CMTR1: variants seen among roughly 807,000 people sequenced by gnomAD.
CMTR1 encodes cap methyltransferase 1.
A neutral mutation model predicts 107.0 loss-of-function variants in CMTR1; 39 were observed. The observed-to-expected ratio is 0.36, with a 90% CI of 0.28 to 0.48. The LOEUF (loss-of-function observed/expected upper bound fraction) is 0.48, where lower values mean the gene tolerates loss of function less well. Ranked by LOEUF, CMTR1 falls within the 20% of genes least tolerant of loss-of-function variation. CMTR1 has a pLI of 0.99. For missense variants in CMTR1, 672 were observed against 1,064.9 expected (o/e 0.63, Z 5.14); for synonymous variants, 366 against 379.5 (o/e 0.96, Z 0.41).
intron 8 of CMTR1, among the ~76,000 whole-genome samples, chr6:37,455,255 G>A (rs1217203822): frequency 6.6e-6 from 1 of 152,250 alleles, no homozygotes; most frequent in Non-Finnish European, 1.5e-5. Context: ...GGCTAATTTT[G>A]TATTTTTAGT....
At chr6:37,430,771 T>C (rs189732822), upstream of CMTR1, among the ~76,000 whole-genome samples, 104 of 152,160 alleles carry the variant, frequency 6.8e-4, 3 homozygotes, top group African/African-American at 2.4e-3. Context: ...TCCCAGTCCT[T>C]TGGGAGGCTG....
chr6:37,476,623 A>C (rs77513786), intron 20 of CMTR1, among the ~76,000 whole-genome samples: 17,704 of 84,742 alleles, frequency 0.21, 1,081 homozygotes, highest in African/African-American at 0.32. Context: ...AGGGAGAAGG[A>C]GGCCAGGGTT....
intron 2 of CMTR1, among the ~76,000 whole-genome samples, chr6:37,442,243 A>G (rs1771691470): frequency 6.6e-6 from 1 of 152,202 alleles, no homozygotes; most frequent in Non-Finnish European, 1.5e-5. Context: ...CTGAACTATG[A>G]CAGATGTCCT....
At chr6:37,431,058 A>G (rs907678285), upstream of CMTR1, among the ~76,000 whole-genome samples, 2 of 150,724 alleles carry the variant, frequency 1.3e-5, no homozygotes, top group Non-Finnish European at 3.0e-5. Context: ...GTGTTTCCCT[A>G]TATATTTATC....
intron 3 of CMTR1, 98 bp downstream of exon 3, chr6:37,444,248 G>GT (rs1771736351): frequency 6.9e-7 from 1 of 1,455,482 alleles, no homozygotes; most frequent in East Asian, 2.3e-5. Context: ...TTGGCCATAG[G>GT]TTTTTCCTTT....
At chr6:37,474,782 A>G in intron 18 of CMTR1, 136 bp downstream of exon 18, 1 of 1,325,186 alleles carries the variant, frequency 7.5e-7, no homozygotes, top group Non-Finnish European at 1.0e-6. Flanking sequence ...GTAAGGGTTT[A>G]TAATGACTCC....
At chr6:37,475,145 C>T (rs989524327) in intron 18 of CMTR1, among the ~76,000 whole-genome samples, 176 bp from the exon 19 acceptor site, 4 of 152,114 alleles carry the variant, frequency 2.6e-5, no homozygotes, top group African/African-American at 7.2e-5. Flanking sequence ...GCTCAGAAGC[C>T]GAGGCCAGTC....
chr6:37,440,912 A>G (rs1771661068), intron 2 of CMTR1, among the ~76,000 whole-genome samples: 3 of 152,206 alleles, frequency 2.0e-5, no homozygotes, highest in Admixed American at 2.0e-4. Flanking sequence ...GCAACTCTTT[A>G]GAGCTGGAGC....
At position 37,480,314 on chromosome 6, in the gene CMTR1, G is replaced by A. The variant is rs1761829340; in HGVS notation, c.*169G>A. ...TCCATCCCCTGAAGAGCTCAGGCAG[G>A]GCCCTGCAGAGAACACTCATGTTCC... is the stretch of plus-strand genomic sequence containing the variant. On this transcript the variant is annotated 3_prime_UTR_variant, in exon 24 of 24. Transcript: ENST00000373451. 4 of 1,416,634 alleles carry A rather than the reference G, an allele frequency of 2.8e-6. No individual in the cohort carries two copies. Among genetic ancestry groups the A allele is most frequent in the African/African-American group, 3.0e-5 (2 of 66,492 alleles). The allele number at this position is 1,416,634 out of a possible 1,614,324, so 87.8% of individuals were successfully genotyped here. A position where few individuals can be genotyped will look rare whatever the true frequency, so the allele number is the denominator to read the frequency against.
chr6:37,471,703 C>T (rs1042237670), intron 14 of CMTR1, 144 bp from the exon 15 acceptor site: 3 of 633,382 alleles, frequency 4.7e-6, no homozygotes, highest in Non-Finnish European at 8.1e-6. Flanking sequence ...TGTAATCACG[C>T]TGGGCCAGTG....
chr6:37,425,450 C>T, the CMTR1 span, among the ~76,000 whole-genome samples: 4 of 151,528 alleles, frequency 2.6e-5, no homozygotes, highest in Admixed American at 6.6e-5. Flanking sequence ...GCACGTGCCA[C>T]GCCTGGCTAA....
Position 37,465,265 on chromosome 6 carries a change from CA to C in CMTR1, c.1505+2270del, listed in dbSNP as rs60123298. 6.0e-3 allele frequency among the ~76,000 whole-genome samples: 754 copies of C among 125,050 alleles called. 5 individuals are homozygous for C. The highest frequency in any genetic ancestry group is 0.01 in the African/African-American group (336 of 33,370). The allele number at this position is 125,050 out of a possible 152,430, so 82.0% of individuals were successfully genotyped here. On this transcript the variant is annotated intron_variant, in intron 13 of 23. Transcript: ENST00000373451. Reference sequence around the variant, plus strand: ...CTGGGCAATGAGTGAGACTCTGTCTCAAAAAAAAAAAAAGTATATTATATAT... The same window carrying C: ...CTGGGCAATGAGTGAGACTCTGTCTCAAAAAAAAAAAAGTATATTATATAT...
chr6:37,428,083 T>C, the CMTR1 span, among the ~76,000 whole-genome samples: 9 of 149,372 alleles, frequency 6.0e-5, no homozygotes, highest in African/African-American at 2.2e-4. Context: ...AAAGACGCTG[T>C]GTTTATTCAG....
chr6:37,476,139 G>A lies in CMTR1; in HGVS notation c.2050G>A (p.Glu684Lys), dbSNP rs779565625. ...QHFNQRIQLAEKFVKAVSKPS... is the reference protein window; with the variant it reads ...QHFNQRIQLAKKFVKAVSKPS... ...TTTGGATTGTAGAATTCAGCTTGCC[G>A]AGAAATTTGTGAAAGCCGTTTCCAA... The change falls in exon 20 of 24, where the codon GAG becomes AAG. Residue 684 changes from glutamate to lysine, a missense_variant. Glu to Lys is a moderately conservative substitution (Grantham distance 56, BLOSUM62 1). Transcript: ENST00000373451. 10 of 1,613,972 alleles carry A rather than the reference G, an allele frequency of 6.2e-6. No homozygotes were observed. The highest frequency in any genetic ancestry group is 1.7e-5 in the Admixed American group (1 of 59,994).
chr6:37,437,537 C>T (rs1346197359), intron 2 of CMTR1, among the ~76,000 whole-genome samples: 4 of 145,466 alleles, frequency 2.7e-5, no homozygotes, highest in Non-Finnish European at 4.5e-5. Context: ...AAAAAAAGCT[C>T]ATCAGCTGTT....
At chr6:37,447,116 A>G (rs1352922795) in intron 4 of CMTR1, among the ~76,000 whole-genome samples, 1 of 152,258 alleles carries the variant, frequency 6.6e-6, no homozygotes, top group Non-Finnish European at 1.5e-5. Flanking sequence ...CCTAAAAATA[A>G]CATTGAGATA....
intron 13 of CMTR1, among the ~76,000 whole-genome samples, chr6:37,470,459 T>G (rs1282732085): frequency 6.6e-6 from 1 of 152,162 alleles, no homozygotes; most frequent in Non-Finnish European, 1.5e-5. Flanking sequence ...ATTCACCCTT[T>G]CCAGTAGATC....
At chr6:37,447,920 G>A (rs564967802) in intron 4 of CMTR1, among the ~76,000 whole-genome samples, 1 of 144,068 alleles carries the variant, frequency 6.9e-6, no homozygotes, top group Admixed American at 7.0e-5. Context: ...TAAAAGTTAG[G>A]TCAAGTGGGG....
intron 13 of CMTR1, among the ~76,000 whole-genome samples, 173 bp downstream of exon 13, chr6:37,463,181 G>T (rs1761437133): frequency 2.0e-5 from 3 of 152,162 alleles, no homozygotes; most frequent in Admixed American, 2.0e-4. Flanking sequence ...TACCCTCAGG[G>T]ACCCCCATCC....
Sources: allele counts gnomAD v4.1 joint callset (sites outside exome capture counted in the v4.1 genomes callset), GRCh38; gene constraint gnomAD v4.1.1; transcripts MANE v1.5; gene names NCBI Gene and HGNC (gene_info 2026-07-23, HGNC 2026-07-21).